AFG1L: variants seen among roughly 807,000 people sequenced by gnomAD.
AFG1L encodes the protein AFG1-like ATPase.
AFG1L carries 53 observed loss-of-function variants against 62.2 expected under a neutral mutation model. The ratio of observed to expected loss-of-function variants is 0.85; its 90% CI spans 0.68 to 1.07. AFG1L has a LOEUF of 1.07. Among genes scored for constraint, AFG1L ranks in the 50% least tolerant of loss-of-function variants. AFG1L has a pLI of 0.00. For synonymous variants in AFG1L, 228 were observed against 210.3 expected (o/e 1.08, Z -0.73); for missense variants, 555 against 590.5 (o/e 0.94, Z 0.62).
At chr6:108,461,520 G>A (rs954060699) in intron 8 of AFG1L, among the ~76,000 whole-genome samples, 2 of 152,102 alleles carry the variant, frequency 1.3e-5, no homozygotes, top group Non-Finnish European at 2.9e-5. Context: ...GTGCAGTGGT[G>A]CCATCTCAGC....
chr6:108,465,662 GC>G, intron 8 of AFG1L, among the ~76,000 whole-genome samples: 1 of 150,588 alleles, frequency 6.6e-6, no homozygotes. Flanking sequence ...AGTCACTGCT[GC>G]TGCTGCTGCT....
rs1368262160 is a variant in AFG1L at position 108,374,753 on chromosome 6, G to A, written c.748+8421G>A. 4.6e-5 allele frequency among the ~76,000 whole-genome samples: 7 copies of A among 152,296 alleles called. No individual in the cohort carries two copies. In the East Asian group the frequency reaches 1.2e-3, roughly 25 times the overall value. On this transcript the variant is annotated intron_variant, in intron 6 of 12. Transcript: ENST00000368977. Reference sequence around the variant, plus strand: ...CCATAGCCTTATGGTATAGTTTGAAGTTGGTTAATGTGATGCCTTTGGCTT... The same window carrying A: ...CCATAGCCTTATGGTATAGTTTGAAATTGGTTAATGTGATGCCTTTGGCTT...
rs139800388 is a variant in AFG1L, at chr6:108,469,551, G to A, written c.891-7314G>A. On this transcript the variant is annotated intron_variant, in intron 8 of 12. Coordinates refer to ENST00000368977, the MANE Select transcript of AFG1L (RefSeq NM_145315.5). ...AAGACAAATGTATTAGAGAAAGTATGAAAATACGTTGTAAGGGTGCAACAG... is the reference window on the plus strand; with the variant it reads ...AAGACAAATGTATTAGAGAAAGTATAAAAATACGTTGTAAGGGTGCAACAG... Among the ~76,000 whole-genome samples, 66 of 152,258 alleles carry A rather than the reference G, an allele frequency of 4.3e-4. 3 individuals carry two copies. The East Asian group carries it at 0.012, about 28-fold the overall frequency.
chr6:108,333,949 T>A (rs902579091), intron 2 of AFG1L, among the ~76,000 whole-genome samples: 17 of 152,354 alleles, frequency 1.1e-4, no homozygotes, highest in South Asian at 4.1e-4. Flanking sequence ...AATATTCCAT[T>A]GTGAAAATAT....
chr6:108,408,749 A>T (rs1338304634), intron 7 of AFG1L, among the ~76,000 whole-genome samples: 1 of 152,188 alleles, frequency 6.6e-6, no homozygotes, highest in Admixed American at 6.5e-5. Flanking sequence ...TCCAGTTCCA[A>T]TTACTCTGCC....
chr6:108,332,089 A>G lies in AFG1L; in HGVS notation c.363+8041A>G, dbSNP rs533500304. Reference sequence around the variant, plus strand: ...TACTCAATTCTACCATTGCACTCAGAGCAGCCACAGGCAATACATAAATAA... The same window carrying G: ...TACTCAATTCTACCATTGCACTCAGGGCAGCCACAGGCAATACATAAATAA... On this transcript the variant is annotated intron_variant, in intron 2 of 12. Coordinates refer to ENST00000368977, the MANE Select transcript of AFG1L (RefSeq NM_145315.5). Among the ~76,000 whole-genome samples the G allele has an allele frequency of 3.3e-5, 5 of 152,344 alleles. No individual in the cohort carries two copies. In the East Asian group the frequency reaches 9.6e-4, roughly 29 times the overall value.
At chr6:108,439,628 T>G (rs71558319) in intron 7 of AFG1L, among the ~76,000 whole-genome samples, 2 of 152,184 alleles carry the variant, frequency 1.3e-5, no homozygotes, top group Non-Finnish European at 2.9e-5. Context: ...TAGGGGGGCT[T>G]CAGAGATTCT....
rs1160116466 is a variant in AFG1L at position 108,465,043 on chromosome 6, A to G, written c.891-11822A>G. On this transcript the variant is annotated intron_variant, in intron 8 of 12. Coordinates refer to ENST00000368977, the MANE Select transcript of AFG1L (RefSeq NM_145315.5). ...CTCTCCTTAGGAGAAGGAAGAGGAG[A>G]TGATTTATAGCAACTGAACTTAATT... Among the ~76,000 whole-genome samples the G allele has an allele frequency of 3.3e-5, 5 of 152,318 alleles. No individual in the cohort carries two copies. In the East Asian group the frequency reaches 5.8e-4, roughly 18 times the overall value.
chr6:108,384,529 A>G (rs951408803), intron 6 of AFG1L, among the ~76,000 whole-genome samples: 1 of 152,246 alleles, frequency 6.6e-6, no homozygotes, highest in Non-Finnish European at 1.5e-5. Context: ...TGAAATTCAC[A>G]GTATAACATT....
chr6:108,449,307 T>G (rs531839674), intron 8 of AFG1L, among the ~76,000 whole-genome samples: 3 of 152,146 alleles, frequency 2.0e-5, no homozygotes, highest in African/African-American at 7.2e-5. Flanking sequence ...GGAAGATAAA[T>G]TTGTTCCTGA....
Position 108,347,050 on chromosome 6 carries a change from T to C in AFG1L, c.415+11T>C. Reference sequence around the variant, plus strand: ...TTTATGGAGATGTTGGTAAGTGTGTTAAAATAAGTTTTGGGTGGGCAAAAC... The same window carrying C: ...TTTATGGAGATGTTGGTAAGTGTGTCAAAATAAGTTTTGGGTGGGCAAAAC... On this transcript the variant is annotated intron_variant, in intron 3 of 12. Transcript: ENST00000368977. The C allele has an allele frequency of 1.2e-6, 2 of 1,612,542 alleles. No individual in the cohort carries two copies. The highest frequency in any genetic ancestry group is 1.7e-6 in the Non-Finnish European group (2 of 1,178,892).
chr6:108,515,713 C>G (rs969995975), intron 11 of AFG1L, among the ~76,000 whole-genome samples: 6 of 152,082 alleles, frequency 3.9e-5, no homozygotes, highest in African/African-American at 1.4e-4. Flanking sequence ...AATCCAGGAG[C>G]TGGTTTTTTG....
chr6:108,297,923 A>T (rs1441770115), intron 1 of AFG1L, among the ~76,000 whole-genome samples: 1 of 151,274 alleles, frequency 6.6e-6, no homozygotes, highest in Non-Finnish European at 1.5e-5. Context: ...AATAGCCCAT[A>T]GTCTTGAGAG....
At chr6:108,299,277 A>T (rs925921220) in intron 1 of AFG1L, among the ~76,000 whole-genome samples, 27 of 151,996 alleles carry the variant, frequency 1.8e-4, no homozygotes, top group African/African-American at 2.7e-4. Context: ...GAAAAAAAAA[A>T]AAAATAAATT....
intron 7 of AFG1L, among the ~76,000 whole-genome samples, chr6:108,441,261 T>C (rs1308933010): frequency 6.6e-6 from 1 of 152,198 alleles, no homozygotes; most frequent in Non-Finnish European, 1.5e-5. Flanking sequence ...ATACACACAA[T>C]AGATTTTGGG....
At chr6:108,515,670 T>C (rs1014598896) in intron 11 of AFG1L, among the ~76,000 whole-genome samples, 2 of 151,692 alleles carry the variant, frequency 1.3e-5, no homozygotes, top group African/African-American at 4.9e-5. Flanking sequence ...CGGAAGAAAA[T>C]AGAGACACAA....
chr6:108,343,362 T>C (rs1196704100), intron 2 of AFG1L, among the ~76,000 whole-genome samples: 2 of 152,014 alleles, frequency 1.3e-5, no homozygotes, highest in East Asian at 3.9e-4. Flanking sequence ...TTTTTGTTTT[T>C]TTTTAGCAGC....
At chr6:108,442,220 C>T (rs1041651094) in intron 7 of AFG1L, among the ~76,000 whole-genome samples, 4 of 150,608 alleles carry the variant, frequency 2.7e-5, no homozygotes, top group African/African-American at 9.8e-5. Context: ...ACTGAGCTCT[C>T]GCAATTATAG....
At chr6:108,475,286 C>G (rs1470936722) in intron 8 of AFG1L, among the ~76,000 whole-genome samples, 1 of 152,196 alleles carries the variant, frequency 6.6e-6, no homozygotes, top group African/African-American at 2.4e-5. Flanking sequence ...GTTTTGGTTA[C>G]TGTAGCCTTG....
Sources: allele counts gnomAD v4.1 joint callset (sites outside exome capture counted in the v4.1 genomes callset), GRCh38; gene constraint gnomAD v4.1.1; transcripts MANE v1.5; gene names NCBI Gene and HGNC (gene_info 2026-07-23, HGNC 2026-07-21).